The following CAPS2 variants were observed in gnomAD, a reference collection of about 807,000 sequenced individuals.
CAPS2 encodes the protein calcyphosin-2.
In CAPS2, 98 loss-of-function variants were observed where a neutral mutation model predicts 86.5. The ratio of observed to expected loss-of-function variants is 1.13; its 90% confidence interval spans 0.96 to 1.34. The LOEUF is 1.34. Ranked by LOEUF, CAPS2 falls within the 40% of genes most tolerant of loss-of-function variation. The pLI, the probability that CAPS2 is intolerant of heterozygous loss-of-function variation, is 0.00. For synonymous variants in CAPS2, 210 were observed against 225.1 expected (o/e 0.93, Z 0.60); for missense variants, 729 against 686.8 (o/e 1.06, Z -0.69).
At chr12:75,333,328 G>A (rs542746847), upstream of CAPS2, among the ~76,000 whole-genome samples, 31 of 151,994 alleles carry the variant, frequency 2.0e-4, no homozygotes, top group African/African-American at 7.0e-4. Context: ...GTGTGTATAT[G>A]TATGTGTGTA....
In CAPS2 at chr12:75,304,797, T is replaced by C. The variant is rs1239258116; in HGVS notation, c.739A>G (p.Thr247Ala). 6.2e-7 allele frequency: 1 copy of C among 1,607,410 alleles called. No homozygotes were observed. Among genetic ancestry groups the C allele is most frequent in the African/African-American group, 1.3e-5 (1 of 74,702 alleles). ...GTTCTTTTTCTAAATCGAAGAGGTGTCATCTTTGAATCTGGAAGGATATGA... is the reference window on the plus strand; with the variant it reads ...GTTCTTTTTCTAAATCGAAGAGGTGCCATCTTTGAATCTGGAAGGATATGA... The change falls in exon 8 of 17, where the codon ACA becomes GCA. Residue 247 changes from threonine to alanine, a missense_variant. Coordinates refer to ENST00000393284, the Ensembl canonical transcript of CAPS2.
At chr12:75,337,719 A>T (rs1308969924) in intron 1 of CAPS2, among the ~76,000 whole-genome samples, 1 of 152,050 alleles carries the variant, frequency 6.6e-6, no homozygotes, top group Non-Finnish European at 1.5e-5. Context: ...AAGTCTCATA[A>T]ATATTACATT....
At chr12:75,390,104 T>C (rs1310336305) in intron 1 of CAPS2, among the ~76,000 whole-genome samples, 1 of 152,240 alleles carries the variant, frequency 6.6e-6, no homozygotes, top group African/African-American at 2.4e-5. Context: ...ATCTGCTTAA[T>C]GCTATTAAGC....
intron 6 of CAPS2, among the ~76,000 whole-genome samples, chr12:75,316,104 C>A (rs73364062): frequency 0.011 from 1,608 of 152,110 alleles, 41 homozygotes; most frequent in African/African-American, 0.037. Flanking sequence ...TTTTCAAACA[C>A]CTAAAGATTC....
chr12:75,296,410 G>T (rs986473412), intron 11 of CAPS2, among the ~76,000 whole-genome samples: 2 of 151,930 alleles, frequency 1.3e-5, no homozygotes, highest in East Asian at 3.9e-4. Flanking sequence ...TCCTGCCTCA[G>T]TCTCCCGAGT....
intron 7 of CAPS2, chr12:75,306,072 C>T (rs894441370): frequency 1.7e-5 from 25 of 1,469,586 alleles, no homozygotes; most frequent in Non-Finnish European, 2.1e-5. Context: ...GAACGTGCTG[C>T]GCGTCCTGGG....
At chr12:75,347,205 G>T (rs1173081316) in intron 1 of CAPS2, among the ~76,000 whole-genome samples, 3 of 152,012 alleles carry the variant, frequency 2.0e-5, no homozygotes, top group South Asian at 2.1e-4. Flanking sequence ...AATTTAAGAT[G>T]TAATTTGTAA....
chr12:75,361,925 A>C (rs2043623776), intron 1 of CAPS2, among the ~76,000 whole-genome samples: 1 of 152,154 alleles, frequency 6.6e-6, no homozygotes, highest in Non-Finnish European at 1.5e-5. Context: ...TACAACTATA[A>C]AAACTTTAGA....
rs374919492 is a variant in CAPS2 at position 75,378,228 on chromosome 12, A to G, written c.-395+12610T>C. Reference sequence around the variant, plus strand: ...TGCCCAGGCTGGTCTTGAACTCCTAAGCTCAAAGCAATCCACCTGCCTCAG... The same window carrying G: ...TGCCCAGGCTGGTCTTGAACTCCTAGGCTCAAAGCAATCCACCTGCCTCAG... On this transcript the variant is annotated intron_variant, in intron 1 of 5. Transcript: ENST00000551829. Among the ~76,000 whole-genome samples, 9 of 152,206 alleles carry G rather than the reference A, an allele frequency of 5.9e-5. No homozygotes were observed. The South Asian group carries it at 1.5e-3, about 25-fold the overall frequency.
At position 75,299,103 on chromosome 12, in the gene CAPS2, T is replaced by C. The variant is rs1024834759; in HGVS notation, c.855-137A>G. On this transcript the variant is annotated intron_variant, in intron 9 of 16. Transcript: ENST00000393284. ...AATGAGTGAAGGTTATGGGAAACTG[T>C]AGGGAAAACACAAAAACATAGCTTG... The C allele has an allele frequency of 7.3e-6, 4 of 545,096 alleles. No homozygotes were observed. The African/African-American group carries it at 7.6e-5, about 10-fold the overall frequency. 33.8% of individuals were successfully genotyped at this position (545,096 alleles called of 1,614,324 possible).
chr12:75,293,411 A>C (rs2036351229), intron 11 of CAPS2, 44 bp from the exon 12 acceptor site: 12 of 1,137,620 alleles, frequency 1.1e-5, no homozygotes, highest in African/African-American at 4.7e-5. Flanking sequence ...GCATGTAAGA[A>C]ATAAAATATA....
chr12:75,363,263 T>G (rs2043738498), intron 1 of CAPS2: 1 of 692,396 alleles, frequency 1.4e-6, no homozygotes, highest in Non-Finnish European at 2.1e-6. Context: ...TTTTAAAATT[T>G]GGCTTCTCAA....
upstream of CAPS2, chr12:75,330,066 C>A (rs1445362410): frequency 1.2e-5 from 5 of 402,826 alleles, no homozygotes; most frequent in Non-Finnish European, 1.8e-5. Flanking sequence ...TGCAGGTTGC[C>A]CGGCAACAGG....
At chr12:75,342,776 G>A (rs2042201149) in intron 1 of CAPS2, among the ~76,000 whole-genome samples, 1 of 151,864 alleles carries the variant, frequency 6.6e-6, no homozygotes, top group African/African-American at 2.4e-5. Context: ...ATATTCTTTT[G>A]CAATACAGAA....
At chr12:75,380,219 CG>C (rs2044884554) in intron 1 of CAPS2, among the ~76,000 whole-genome samples, 1 of 152,108 alleles carries the variant, frequency 6.6e-6, no homozygotes, top group Non-Finnish European at 1.5e-5. Flanking sequence ...TATATTGAAT[CG>C]GCAATTTCCT....
chr12:75,390,528 C>T (rs1307153121), intron 1 of CAPS2: 1 of 380,806 alleles, frequency 2.6e-6, no homozygotes, highest in African/African-American at 2.1e-5. Context: ...GCCTTAAGAA[C>T]TTCTTTGGCC....
chr12:75,346,314 C>G (rs564263727), intron 1 of CAPS2, among the ~76,000 whole-genome samples: 11 of 152,314 alleles, frequency 7.2e-5, no homozygotes, highest in Admixed American at 7.2e-4. Context: ...CACCTTATCT[C>G]ATTTCATTAA....
intron 12 of CAPS2, among the ~76,000 whole-genome samples, chr12:75,292,287 C>T (rs552283615): frequency 8.6e-5 from 13 of 152,006 alleles, no homozygotes; most frequent in East Asian, 5.8e-4. Flanking sequence ...AGGCTGGTCT[C>T]GAACTCTTGA....
intron 7 of CAPS2, among the ~76,000 whole-genome samples, chr12:75,308,019 C>T (rs1281999065): frequency 6.6e-6 from 1 of 152,306 alleles, no homozygotes; most frequent in African/African-American, 2.4e-5. Flanking sequence ...GCAACCACCC[C>T]CTTTTCCTGT....
Sources: allele counts gnomAD v4.1 joint callset (sites outside exome capture counted in the v4.1 genomes callset), GRCh38; gene constraint gnomAD v4.1.1; transcripts MANE v1.5; gene names NCBI Gene and HGNC (gene_info 2026-07-23, HGNC 2026-07-21).